The following COL17A1 variants were observed in gnomAD, a reference collection of about 807,000 sequenced individuals.
COL17A1 encodes collagen alpha-1(XVII) chain.
COL17A1 carries 181 observed loss-of-function variants against 218.4 expected under a neutral mutation model. The observed-to-expected ratio is 0.83, with a 90% CI of 0.73 to 0.94. COL17A1 has a LOEUF of 0.94. COL17A1 is among the 40% of genes least tolerant of loss of function. The pLI, the probability that COL17A1 is intolerant of heterozygous loss-of-function variation, is 0.00. For synonymous variants in COL17A1, 721 were observed against 731.0 expected (o/e 0.99, Z 0.22); for missense variants, 1,924 against 1,945.9 (o/e 0.99, Z 0.21).
chr10:104,072,055 T>G lies in COL17A1; in HGVS notation c.440A>C (p.Gln147Pro). The G allele has an allele frequency of 1.2e-6, 2 of 1,614,186 alleles. No homozygotes were observed. The highest frequency in any genetic ancestry group is 1.7e-6 in the Non-Finnish European group (2 of 1,180,030). Residue 147 changes from glutamine (Q) to proline (P), a missense_variant, in exon 8 of 56, where the codon CAG becomes CCG. Physicochemically the swap from Gln to Pro is moderately conservative, Grantham distance 76. Transcript: ENST00000648076. ...ACATCGGGTGGATGGGGACGCACTC[T>G]GCAGTCGAACTCGAATTTCACTCTC... Reference protein sequence around the residue: ...TRESEIRVRLQSASPSTRWTE... With the variant: ...TRESEIRVRLPSASPSTRWTE...
chr10:104,044,851 A>C (rs558632417), intron 33 of COL17A1, among the ~76,000 whole-genome samples: 106 of 152,314 alleles, frequency 7.0e-4, no homozygotes, highest in Non-Finnish European at 1.2e-3. Context: ...CCATTCGTGA[A>C]CATATCCACG....
At position 104,061,779 on chromosome 10, in the gene COL17A1, T is replaced by C. The variant is rs12261021; in HGVS notation, c.911-306A>G. On this transcript the variant is annotated intron_variant, in intron 12 of 55. Transcript: ENST00000648076. ...CCTATCACTTATTCCCATTGTCTTATAGAGCCTCTCGTTGTCTCATGTGTG... is the reference window on the plus strand; with the variant it reads ...CCTATCACTTATTCCCATTGTCTTACAGAGCCTCTCGTTGTCTCATGTGTG... 0.051 allele frequency among the ~76,000 whole-genome samples: 7,835 copies of C among 152,144 alleles called. 641 individuals are homozygous for C. Among genetic ancestry groups the C allele is most frequent in the African/African-American group, 0.18 (7,278 of 41,422 alleles).
chr10:104,078,637 C>A, intron 2 of COL17A1, 51 bp from the exon 3 acceptor site: 1 of 1,612,028 alleles, frequency 6.2e-7, no homozygotes. Flanking sequence ...ACTGACACCT[C>A]TGGATCTTGG....
intron 39 of COL17A1, among the ~76,000 whole-genome samples, chr10:104,040,642 A>G (rs1366246834): frequency 6.6e-6 from 1 of 152,062 alleles, no homozygotes; most frequent in Non-Finnish European, 1.5e-5. Flanking sequence ...GGGTAGATGG[A>G]TGGATAAATG....
At chr10:104,040,070 G>A in intron 40 of COL17A1, 71 bp from the exon 41 acceptor site, 1 of 1,536,258 alleles carries the variant, frequency 6.5e-7, no homozygotes, top group Non-Finnish European at 9.0e-7. Flanking sequence ...GGCCCATGGA[G>A]GAGGGGATAG....
intron 2 of COL17A1, among the ~76,000 whole-genome samples, chr10:104,079,404 T>C (rs1213142450): frequency 2.0e-5 from 3 of 152,092 alleles, no homozygotes; most frequent in Non-Finnish European, 4.4e-5. Context: ...TGTGTGTGTG[T>C]GGCATGCATG....
chr10:104,043,739 C>T, intron 34 of COL17A1, 86 bp downstream of exon 34: 2 of 1,570,042 alleles, frequency 1.3e-6, no homozygotes, highest in East Asian at 2.2e-5. Flanking sequence ...CTCCCAGCCA[C>T]ATCCTGCCCA....
chr10:104,068,012 G>T (rs2086641343), intron 9 of COL17A1, among the ~76,000 whole-genome samples: 1 of 152,118 alleles, frequency 6.6e-6, no homozygotes, highest in African/African-American at 2.4e-5. Flanking sequence ...GACGGGAGAT[G>T]GGGAGACAAA....
intron 39 of COL17A1, 34 bp from the exon 40 acceptor site, chr10:104,040,444 C>T: frequency 1.4e-6 from 2 of 1,468,858 alleles, no homozygotes; most frequent in South Asian, 1.1e-5. Flanking sequence ...AGTATGGACA[C>T]TGATGTTTGT....
rs766110530 is a variant in COL17A1 at position 104,036,609 on chromosome 10, G to A, written c.3301C>T (p.Arg1101Cys). 4 of 1,613,814 alleles carry A rather than the reference G, an allele frequency of 2.5e-6. No individual in the cohort carries two copies. Among genetic ancestry groups the A allele is most frequent in the East Asian group, 2.2e-5 (1 of 44,892 alleles). Residue 1101 changes from arginine to cysteine, a missense_variant, in exon 48 of 56, where the codon CGT (arginine) becomes TGT (cysteine). By Grantham distance (180) the Arg-to-Cys change is radical. Transcript: ENST00000648076. Reference protein sequence around the residue: ...LQRDDVRQYLRQYLMGPRGPP... With the variant: ...LQRDDVRQYLCQYLMGPRGPP... Reference sequence around the variant, plus strand: ...CCCCGAGGGCCCATCAAGTACTGACGTAGGTACTGACGCACGTCATCCCCT... The same window carrying A: ...CCCCGAGGGCCCATCAAGTACTGACATAGGTACTGACGCACGTCATCCCCT...
intron 9 of COL17A1, among the ~76,000 whole-genome samples, chr10:104,067,802 G>C (rs1321038385): frequency 6.6e-6 from 1 of 151,746 alleles, no homozygotes; most frequent in Non-Finnish European, 1.5e-5. Context: ...GAAACTGAGT[G>C]TAAGGGAAAG....
At chr10:104,055,476 A>ACG in intron 18 of COL17A1, 75 bp from the exon 19 acceptor site, 1 of 1,515,904 alleles carries the variant, frequency 6.6e-7, no homozygotes, top group South Asian at 1.1e-5. Context: ...ACACACACAC[A>ACG]CACACAATAA....
At chr10:104,052,425 A>G (rs2086478764) in intron 23 of COL17A1, among the ~76,000 whole-genome samples, 1 of 152,178 alleles carries the variant, frequency 6.6e-6, no homozygotes, top group Admixed American at 6.5e-5. Flanking sequence ...CCTAGTAGGC[A>G]CTCAATAAAT....
chr10:104,047,323 G>A (rs920051611), intron 31 of COL17A1, among the ~76,000 whole-genome samples: 1 of 152,132 alleles, frequency 6.6e-6, no homozygotes, highest in Non-Finnish European at 1.5e-5. Context: ...CCCAGTACAG[G>A]AGAGGAGGAC....
chr10:104,071,956 GCACACA>G (rs112689627), intron 8 of COL17A1, 70 bp downstream of exon 8: 20 of 1,407,462 alleles, frequency 1.4e-5, no homozygotes, highest in South Asian at 9.8e-5. Flanking sequence ...ACACACGCAT[GCACACA>G]CACACACACA....
chr10:104,049,623 G>A, intron 28 of COL17A1, 152 bp from the exon 29 acceptor site: 1 of 765,194 alleles, frequency 1.3e-6, no homozygotes, highest in Non-Finnish European at 2.3e-6. Context: ...AAGTGGCATG[G>A]GCTCAACCAG....
rs900796167 is a variant in COL17A1 at position 104,073,081 on chromosome 10, G to T, written c.415+129C>A. The T allele has an allele frequency of 3.4e-6, 3 of 881,180 alleles. No individual in the cohort carries two copies. The South Asian group carries it at 4.0e-5, about 12-fold the overall frequency. 54.6% of individuals were successfully genotyped at this position (881,180 alleles called of 1,614,324 possible). On this transcript the variant is annotated intron_variant, in intron 7 of 55. Coordinates refer to ENST00000648076, the MANE Select transcript of COL17A1 (RefSeq NM_000494.4). Reference sequence around the variant, plus strand: ...ATTCCCAGGATACTCTAAGCTCCTCGAAAGCAGAAAGCATGCCTTATTTAT... The same window carrying T: ...ATTCCCAGGATACTCTAAGCTCCTCTAAAGCAGAAAGCATGCCTTATTTAT...
At chr10:104,049,382 C>T in intron 29 of COL17A1, 27 bp downstream of exon 29, 2 of 1,612,480 alleles carry the variant, frequency 1.2e-6, no homozygotes, top group African/African-American at 2.7e-5. Context: ...GGGGAACTCA[C>T]TGAATCCATT....
At chr10:104,051,611 T>C in intron 24 of COL17A1, 95 bp from the exon 25 acceptor site, 1 of 1,486,858 alleles carries the variant, frequency 6.7e-7, no homozygotes, top group South Asian at 1.2e-5. Flanking sequence ...AGGGACGCTG[T>C]CTTCCAGGTG....
Sources: allele counts gnomAD v4.1 joint callset (sites outside exome capture counted in the v4.1 genomes callset), GRCh38; gene constraint gnomAD v4.1.1; transcripts MANE v1.5; gene names NCBI Gene and HGNC (gene_info 2026-07-23, HGNC 2026-07-21).